CHDH: variants seen among roughly 807,000 people sequenced by gnomAD.
The protein encoded by CHDH is choline dehydrogenase, mitochondrial.
Under a neutral mutation model 56.9 loss-of-function variants are expected in CHDH, and 43 were observed. That is an observed-to-expected ratio of 0.76 (90% CI 0.59 to 0.97). The LOEUF is 0.97. Among genes scored for constraint, CHDH ranks in the 50% least tolerant of loss-of-function variants. CHDH has a pLI of 0.00. For synonymous variants in CHDH, 364 were observed against 348.5 expected (o/e 1.04, Z -0.50); for missense variants, 816 against 821.1 (o/e 0.99, Z 0.08).
chr3:53,842,354 G>T (rs1576809917), intron 1 of CHDH, among the ~76,000 whole-genome samples: 1 of 151,992 alleles, frequency 6.6e-6, no homozygotes, highest in Non-Finnish European at 1.5e-5. Flanking sequence ...ATATACCACC[G>T]ATCCTGTTGC....
intron 1 of CHDH, among the ~76,000 whole-genome samples, chr3:53,845,802 T>C (rs1315598165): frequency 6.6e-6 from 1 of 152,214 alleles, no homozygotes; most frequent in Non-Finnish European, 1.5e-5. Context: ...CGAACTCACT[T>C]GGTGGAAACA....
chr3:53,846,136 G>A lies in CHDH; in HGVS notation c.-184C>T, dbSNP rs1698873952. The A allele has an allele frequency of 6.5e-6, 1 of 153,822 alleles. No individual in the cohort carries two copies. The highest frequency in any genetic ancestry group is 2.4e-5 in the African/African-American group (1 of 41,506). The allele number at this position is 153,822 out of a possible 1,614,324, so 9.5% of individuals were successfully genotyped here. A position where few individuals can be genotyped will look rare whatever the true frequency, so the allele number is the denominator to read the frequency against. ...GTCGGGACCGGAGCGGGAGGAGCGG[G>A]TGGCCGCGGCCCGGCCCCTGCCCCG... On this transcript the variant is annotated 5_prime_UTR_variant, in exon 1 of 9. Coordinates refer to ENST00000315251, the MANE Select transcript of CHDH (RefSeq NM_018397.5).
At chr3:53,835,304 C>G (rs1321976419) in intron 2 of CHDH, among the ~76,000 whole-genome samples, 1 of 152,226 alleles carries the variant, frequency 6.6e-6, no homozygotes, top group Non-Finnish European at 1.5e-5. Context: ...GTGGACAAGG[C>G]TCAGGTAGGC....
In CHDH at chr3:53,815,271, G is replaced by A. The variant is rs923371911; in HGVS notation, c.*2506C>T. On this transcript the variant is annotated 3_prime_UTR_variant, in exon 9 of 9. Transcript: ENST00000315251. ...GCAAAGCACGTTTCTCTGTTTTTAG[G>A]TACTGCAAGCTTTTGGCCAAGGGGC... is the stretch of plus-strand genomic sequence containing the variant. The A allele has an allele frequency of 1.3e-5, 2 of 152,254 alleles. No homozygotes were observed. Among genetic ancestry groups the A allele is most frequent in the African/African-American group, 4.8e-5 (2 of 41,450 alleles). The allele number at this position is 152,254 out of a possible 1,614,324, so 9.4% of individuals were successfully genotyped here.
intron 5 of CHDH, among the ~76,000 whole-genome samples, chr3:53,821,205 G>A (rs1165006780): frequency 6.6e-6 from 1 of 152,244 alleles, no homozygotes; most frequent in Non-Finnish European, 1.5e-5. Context: ...ATCAGAGACA[G>A]TTTATAAAAC....
At position 53,823,505 on chromosome 3, in the gene CHDH, G is replaced by C. The variant is rs372285129; in HGVS notation, c.504C>G (p.Arg168=). ...WDYAHCLPYF[R]KAQGHELGAS... Reference sequence around the variant, plus strand: ...CGCCCAGCTCGTGGCCCTGCGCCTTGCGGAAGTAGGGCAGGCAGTGCGCGT... The same window carrying C: ...CGCCCAGCTCGTGGCCCTGCGCCTTCCGGAAGTAGGGCAGGCAGTGCGCGT... Residue 168 remains arginine (R), a synonymous_variant, in exon 3 of 9, where the codon CGC becomes CGG. Transcript: ENST00000315251. The C allele has an allele frequency of 1.3e-5, 20 of 1,542,388 alleles. No individual in the cohort carries two copies. Among genetic ancestry groups the C allele is most frequent in the Non-Finnish European group, 8.7e-7 (1 of 1,145,580 alleles).
chr3:53,823,184 A>T, intron 3 of CHDH, 122 bp downstream of exon 3: 1 of 895,382 alleles, frequency 1.1e-6, no homozygotes, highest in Non-Finnish European at 1.6e-6. Flanking sequence ...CGGTCGTGCC[A>T]GCCTCAGTCT....
intron 2 of CHDH, among the ~76,000 whole-genome samples, chr3:53,839,700 C>T (rs1291098780): frequency 6.6e-6 from 1 of 152,220 alleles, no homozygotes; most frequent in Non-Finnish European, 1.5e-5. Context: ...CCAACAATCC[C>T]ACTACTGGGC....
chr3:53,829,496 A>G (rs1698266930), intron 2 of CHDH, among the ~76,000 whole-genome samples: 1 of 152,086 alleles, frequency 6.6e-6, no homozygotes, highest in Non-Finnish European at 1.5e-5. Flanking sequence ...GGCAAAGGTT[A>G]TATGGGAAAT....
At position 53,817,578 on chromosome 3, in the gene CHDH, C is replaced by G. The variant is rs1237801864; in HGVS notation, c.*199G>C. Reference sequence around the variant, plus strand: ...TCCCCAAATGGCCCACAGGGAAAGGCTGGGGAAAAGGAGCTGGATTCACTG... The same window carrying G: ...TCCCCAAATGGCCCACAGGGAAAGGGTGGGGAAAAGGAGCTGGATTCACTG... On this transcript the variant is annotated 3_prime_UTR_variant, in exon 9 of 9. Transcript: ENST00000315251. The G allele has an allele frequency of 1.8e-6, 1 of 556,688 alleles. No homozygotes were observed. The highest frequency in any genetic ancestry group is 2.9e-5 in the East Asian group (1 of 33,988). 34.5% of individuals were successfully genotyped at this position (556,688 alleles called of 1,614,324 possible).
intron 2 of CHDH, among the ~76,000 whole-genome samples, chr3:53,829,953 C>T (rs1698282594): frequency 6.6e-6 from 1 of 152,082 alleles, no homozygotes; most frequent in African/African-American, 2.4e-5. Context: ...TTGATCCCAC[C>T]CTCCATGGGC....
intron 2 of CHDH, 93 bp from the exon 3 acceptor site, chr3:53,824,160 G>C: frequency 1.5e-6 from 1 of 659,002 alleles, no homozygotes; most frequent in Non-Finnish European, 2.4e-6. Flanking sequence ...AGCAGGCCCA[G>C]CCTGATGTGG....
chr3:53,845,164 A>G (rs45616236), intron 1 of CHDH, among the ~76,000 whole-genome samples: 32,949 of 152,120 alleles, frequency 0.22, 4,391 homozygotes, highest in Non-Finnish European at 0.3. Context: ...CACAACCTCA[A>G]CTGAGTTCCT....
intron 2 of CHDH, among the ~76,000 whole-genome samples, chr3:53,837,619 C>T (rs1399930271): frequency 1.3e-5 from 2 of 152,230 alleles, no homozygotes; most frequent in African/African-American, 2.4e-5. Context: ...CTCCCCTCTG[C>T]TGCCCCACTG....
intron 1 of CHDH, 143 bp from the exon 2 acceptor site, chr3:53,841,142 C>T (rs1698658514): frequency 6.6e-6 from 1 of 152,092 alleles, no homozygotes; most frequent in Non-Finnish European, 1.5e-5. Flanking sequence ...TTTATTATAA[C>T]AATTTTCATC....
At position 53,813,393 on chromosome 3, in the gene CHDH, G is replaced by A. The variant is rs1297017057; in HGVS notation, c.*4384C>T. On this transcript the variant is annotated 3_prime_UTR_variant, in exon 9 of 9. Coordinates refer to ENST00000315251, the MANE Select transcript of CHDH (RefSeq NM_018397.5). ...GAGAGCCTCCGACAGGGCAGGTACT[G>A]TGCCAGGGCAGCTCTGAAATTATGG... 3.3e-5 allele frequency: 5 copies of A among 152,238 alleles called. No individual in the cohort carries two copies. The highest frequency in any genetic ancestry group is 1.2e-4 in the African/African-American group (5 of 41,450). 9.4% of individuals were successfully genotyped at this position (152,238 alleles called of 1,614,324 possible). A position where few individuals can be genotyped will look rare whatever the true frequency, so the allele number is the denominator to read the frequency against.
At chr3:53,825,080 C>CTGAA (rs982732221) in intron 2 of CHDH, among the ~76,000 whole-genome samples, 6 of 152,198 alleles carry the variant, frequency 3.9e-5, no homozygotes, top group African/African-American at 1.4e-4. Context: ...GAGAAGAACT[C>CTGAA]TTCAGAGCTC....
In CHDH at chr3:53,823,985, C is replaced by CA. The variant is rs2095634146; in HGVS notation, c.23dup (p.Arg10ProfsTer27). The stretch of plus-strand genomic sequence containing the variant: ...CCCGTGCCAGGGCTCCAGGCCGGCC[C>CA]AGGCCTCGTAGGAGACACCACATGC... On this transcript the variant is annotated frameshift_variant, in exon 3 of 9. Transcript: ENST00000315251. LOFTEE classifies it high-confidence loss of function. 6.7e-7 allele frequency: 1 copy of CA among 1,499,494 alleles called. No homozygotes were observed. The highest frequency in any genetic ancestry group is 8.8e-7 in the Non-Finnish European group (1 of 1,133,910). 92.9% of individuals were successfully genotyped at this position (1,499,494 alleles called of 1,614,324 possible).
chr3:53,824,500 G>A (rs2095635330), intron 2 of CHDH, among the ~76,000 whole-genome samples: 1 of 152,240 alleles, frequency 6.6e-6, no homozygotes, highest in Non-Finnish European at 1.5e-5. Flanking sequence ...GCAATACACA[G>A]AAAGACATCT....
Sources: allele counts gnomAD v4.1 joint callset (sites outside exome capture counted in the v4.1 genomes callset), GRCh38; gene constraint gnomAD v4.1.1; transcripts MANE v1.5; gene names NCBI Gene and HGNC (gene_info 2026-07-23, HGNC 2026-07-21).